Variants in DYM observed in about 807,000 individuals in gnomAD.
DYM encodes dymeclin.
A neutral mutation model predicts 93.1 loss-of-function variants in DYM; 78 were observed. The observed-to-expected ratio is 0.84, with a 90% confidence interval of 0.70 to 1.01. The LOEUF (loss-of-function observed/expected upper bound fraction) is 1.01. Among genes scored for constraint, DYM ranks in the 50% least tolerant of loss-of-function variants. The probability of loss-of-function intolerance (pLI) is 0.00; values close to 1 mark genes in which losing one functional copy is unlikely to be tolerated. For synonymous variants in DYM, 321 were observed against 319.7 expected (o/e 1.00, Z -0.04); for missense variants, 789 against 845.0 (o/e 0.93, Z 0.82).
At chr18:49,259,979 G>T (rs905152675) in intron 11 of DYM, among the ~76,000 whole-genome samples, 3 of 152,096 alleles carry the variant, frequency 2.0e-5, no homozygotes, top group African/African-American at 7.2e-5. Context: ...GATTTAGGAA[G>T]CTGGAATTTT....
At chr18:49,333,347 G>C (rs1051464850) in intron 7 of DYM, among the ~76,000 whole-genome samples, 1 of 152,156 alleles carries the variant, frequency 6.6e-6, no homozygotes, top group Non-Finnish European at 1.5e-5. Context: ...AGAGAGTAAG[G>C]GGGCATAGAT....
At chr18:49,067,633 G>C (rs1387805888) in intron 17 of DYM, among the ~76,000 whole-genome samples, 1 of 152,132 alleles carries the variant, frequency 6.6e-6, no homozygotes, top group African/African-American at 2.4e-5. Flanking sequence ...AACTGGGAGG[G>C]ATCAACGTTA....
rs2079409576 is a variant in DYM at position 49,094,953 on chromosome 18, T to C, written c.2025+2449A>G. On this transcript the variant is annotated intron_variant, in intron 17 of 17. Coordinates refer to ENST00000675505, the MANE Select transcript of DYM (RefSeq NM_001353214.3). ...ATTCTGAGTTTCTAAGTGTTTAATT[T>C]ATATATTTTAAGAAACAACAAATCA... 2.0e-5 allele frequency among the ~76,000 whole-genome samples: 3 copies of C among 152,238 alleles called. No individual in the cohort carries two copies. In the East Asian group the frequency reaches 5.8e-4, roughly 29 times the overall value.
chr18:49,194,648 C>T (rs1223699844), intron 14 of DYM, among the ~76,000 whole-genome samples: 1 of 151,850 alleles, frequency 6.6e-6, no homozygotes, highest in East Asian at 1.9e-4. Context: ...GTGTAGATCA[C>T]TGTGGCAGGC....
chr18:49,069,516 A>C (rs1444475641), intron 17 of DYM, among the ~76,000 whole-genome samples: 1 of 152,238 alleles, frequency 6.6e-6, no homozygotes, highest in African/African-American at 2.4e-5. Context: ...CATGAGTAGC[A>C]TGTAAAAGTT....
At chr18:49,198,120 A>T (rs2091649299) in intron 14 of DYM, among the ~76,000 whole-genome samples, 1 of 152,232 alleles carries the variant, frequency 6.6e-6, no homozygotes, top group Non-Finnish European at 1.5e-5. Context: ...GACAAAAACA[A>T]GAAATGGGGA....
In DYM at chr18:49,415,518, T is replaced by G. The variant is rs78199414; in HGVS notation, c.140+14737A>C. ...CTTTGGTACTTAGAAAAATTAGTTT[T>G]AAGTGACTGTGCCAAGAGCTGCCCT... On this transcript the variant is annotated intron_variant, in intron 2 of 17. Transcript: ENST00000675505. Among the ~76,000 whole-genome samples, 555 of 151,946 alleles carry G rather than the reference T, an allele frequency of 3.7e-3. 1 individual carries two copies. The highest frequency in any genetic ancestry group is 4.5e-3 in the Non-Finnish European group (306 of 67,946).
intron 17 of DYM, among the ~76,000 whole-genome samples, chr18:49,088,232 G>A (rs10164067): frequency 1.3e-5 from 2 of 152,030 alleles, no homozygotes; most frequent in African/African-American, 4.8e-5. Flanking sequence ...TTCTTCTAGG[G>A]TTTTTATGGT....
At chr18:49,308,996 T>C (rs1276777489) in intron 8 of DYM, among the ~76,000 whole-genome samples, 1 of 152,168 alleles carries the variant, frequency 6.6e-6, no homozygotes, top group African/African-American at 2.4e-5. Flanking sequence ...GAAATATTAA[T>C]GGCATAGAAA....
chr18:49,333,412 TA>T (rs1462294418), intron 7 of DYM, among the ~76,000 whole-genome samples: 1 of 152,106 alleles, frequency 6.6e-6, no homozygotes, highest in East Asian at 1.9e-4. Flanking sequence ...ATAATCTGAA[TA>T]ACAAATATGA....
At chr18:49,401,634 T>A (rs76560595) in intron 2 of DYM, among the ~76,000 whole-genome samples, 13,904 of 151,964 alleles carry the variant, frequency 0.091, 847 homozygotes, top group East Asian at 0.31. Context: ...TCTCTCTCTC[T>A]CTCACACACA....
chr18:49,437,434 C>T (rs1311731162), intron 1 of DYM, among the ~76,000 whole-genome samples: 1 of 152,142 alleles, frequency 6.6e-6, no homozygotes, highest in Non-Finnish European at 1.5e-5. Flanking sequence ...AGGTAGTCTA[C>T]ATCTTTTGCT....
chr18:49,282,543 G>A (rs2095016096), intron 9 of DYM, among the ~76,000 whole-genome samples: 1 of 152,222 alleles, frequency 6.6e-6, no homozygotes, highest in African/African-American at 2.4e-5. Flanking sequence ...AACCTGGGAG[G>A]TGGAGGTTGC....
chr18:49,163,348 TTTA>T lies in DYM; in HGVS notation c.1728+334_1728+336del, dbSNP rs1568523976. On this transcript the variant is annotated intron_variant, in intron 15 of 17. Coordinates refer to ENST00000675505, the MANE Select transcript of DYM (RefSeq NM_001353214.3). ...ATTTTACAATGAAATAATTTATTTA[TTTA>T]TTATTTTTTTGAGATGCAGAGTCTT... Among the ~76,000 whole-genome samples, 12 of 152,224 alleles carry T rather than the reference TTTA, an allele frequency of 7.9e-5. No homozygotes were observed. In the South Asian group the frequency reaches 2.5e-3, roughly 32 times the overall value.
At chr18:49,375,087 T>C (rs1428945869) in intron 5 of DYM, among the ~76,000 whole-genome samples, 1 of 151,860 alleles carries the variant, frequency 6.6e-6, no homozygotes, top group African/African-American at 2.4e-5. Flanking sequence ...TGGAGAGTTG[T>C]TTCCCCTGAG....
intron 11 of DYM, among the ~76,000 whole-genome samples, chr18:49,258,885 G>GAC (rs2094444690): frequency 9.2e-6 from 1 of 108,252 alleles, no homozygotes; most frequent in Non-Finnish European, 1.9e-5. Context: ...GAGAGAGAGA[G>GAC]ATAGGCAGGC....
At chr18:49,415,887 A>T (rs1157313827) in intron 2 of DYM, among the ~76,000 whole-genome samples, 1 of 150,442 alleles carries the variant, frequency 6.6e-6, no homozygotes, top group African/African-American at 2.4e-5. Flanking sequence ...AGGTCGTGCC[A>T]CTGTACTCCA....
At chr18:49,190,388 A>G (rs962553133) in intron 14 of DYM, among the ~76,000 whole-genome samples, 2 of 152,200 alleles carry the variant, frequency 1.3e-5, no homozygotes, top group Admixed American at 1.3e-4. Context: ...TTTAGGACTG[A>G]AGGATATCAC....
intron 8 of DYM, among the ~76,000 whole-genome samples, chr18:49,308,508 C>T (rs1182792348): frequency 2.6e-5 from 4 of 152,114 alleles, no homozygotes; most frequent in South Asian, 2.1e-4. Flanking sequence ...CCAGTCCTAC[C>T]GTCTACTAGT....
Sources: allele counts gnomAD v4.1 joint callset (sites outside exome capture counted in the v4.1 genomes callset), GRCh38; gene constraint gnomAD v4.1.1; transcripts MANE v1.5; gene names NCBI Gene and HGNC (gene_info 2026-07-23, HGNC 2026-07-21).